HMCN1: variants seen among roughly 807,000 people sequenced by gnomAD.
HMCN1 encodes the protein hemicentin-1.
HMCN1 carries 321 observed loss-of-function variants against 625.9 expected under a neutral mutation model. The observed-to-expected ratio is 0.51, with a 90% confidence interval of 0.47 to 0.56. HMCN1 has a LOEUF of 0.56. Ranked by LOEUF, HMCN1 falls within the 20% of genes least tolerant of loss-of-function variation. HMCN1 has a pLI of 0.00. For synonymous variants in HMCN1, 2,425 were observed against 2,417.6 expected, an observed-to-expected ratio of 1.00 and a Z score of -0.09; for missense variants, 6,588 against 6,887.3, an observed-to-expected ratio of 0.96 and a Z score of 1.54.
chr1:186,101,086 A>G (rs1660362285), intron 68 of HMCN1, among the ~76,000 whole-genome samples: 1 of 152,146 alleles, frequency 6.6e-6, no homozygotes, highest in African/African-American at 2.4e-5. Context: ...TGTTTAGCAC[A>G]TTGACAATCC....
At chr1:185,744,410 A>G (rs541171095) in intron 1 of HMCN1, among the ~76,000 whole-genome samples, 1 of 152,264 alleles carries the variant, frequency 6.6e-6, no homozygotes, top group African/African-American at 2.4e-5. Flanking sequence ...ATGCTTTACT[A>G]TATTGTTCCT....
chr1:186,039,410 GCACACACACACA>G (rs34723003), intron 38 of HMCN1, among the ~76,000 whole-genome samples: 2 of 148,016 alleles, frequency 1.4e-5, no homozygotes, highest in African/African-American at 4.9e-5. Context: ...GTGTTCATGT[GCACACACACACA>G]CACACACACA....
chr1:185,824,075 A>G (rs1483949826), intron 1 of HMCN1, among the ~76,000 whole-genome samples: 1 of 152,124 alleles, frequency 6.6e-6, no homozygotes, highest in Non-Finnish European at 1.5e-5. Flanking sequence ...TTACTGTGAG[A>G]CTTAGATGAT....
intron 48 of HMCN1, among the ~76,000 whole-genome samples, chr1:186,063,448 GAGAAGGAAGGAAGGAAGGAA>G (rs1657889291): frequency 7.9e-6 from 1 of 126,248 alleles, no homozygotes; most frequent in Non-Finnish European, 1.6e-5. Flanking sequence ...GGGACGGAGA[GAGAAGGAAGGAAGGAAGGAA>G]GGAAGGAAGG....
chr1:185,764,042 G>T (rs1227953185), intron 1 of HMCN1, among the ~76,000 whole-genome samples: 1 of 152,098 alleles, frequency 6.6e-6, no homozygotes, highest in Non-Finnish European at 1.5e-5. Flanking sequence ...CATTCTTCAT[G>T]GGAAGGAAGC....
In HMCN1 at chr1:186,110,977, C is replaced by CTTTTTTTTTTTTTTT. The variant is rs557887846; in HGVS notation, c.10990-1828_10990-1814dup. Among the ~76,000 whole-genome samples, 137 of 61,626 alleles carry CTTTTTTTTTTTTTTT rather than the reference C, an allele frequency of 2.2e-3. 36 individuals are homozygous for CTTTTTTTTTTTTTTT. The highest frequency in any genetic ancestry group is 6.8e-3 in the African/African-American group (69 of 10,188). 40.4% of individuals were successfully genotyped at this position (61,626 alleles called of 152,430 possible). A position where few individuals can be genotyped will look rare whatever the true frequency, so the allele number is the denominator to read the frequency against. On this transcript the variant is annotated intron_variant, in intron 71 of 106. Coordinates refer to ENST00000271588, the MANE Select transcript of HMCN1 (RefSeq NM_031935.3). ...TACGGAAGAAAAACCAGAGAAAATTCTTTTTTTTTTTTTTTTTTTTTGAGA... is the reference window on the plus strand; with the variant it reads ...TACGGAAGAAAAACCAGAGAAAATTCTTTTTTTTTTTTTTTTTTTTTTTTTTTTTTTTTTTTGAGA...
intron 1 of HMCN1, among the ~76,000 whole-genome samples, chr1:185,833,745 A>G (rs1661011788): frequency 3.3e-5 from 5 of 152,066 alleles, no homozygotes; most frequent in Admixed American, 3.3e-4. Context: ...CATAATTATA[A>G]TATTTTAAGG....
intron 4 of HMCN1, among the ~76,000 whole-genome samples, chr1:185,870,189 C>T (rs972846860): frequency 6.6e-6 from 1 of 151,952 alleles, no homozygotes; most frequent in East Asian, 1.9e-4. Flanking sequence ...TTTACAATAC[C>T]TCTCAAGGAT....
At chr1:185,791,254 A>C (rs1657971690) in intron 1 of HMCN1, among the ~76,000 whole-genome samples, 1 of 152,172 alleles carries the variant, frequency 6.6e-6, no homozygotes, top group African/African-American at 2.4e-5. Flanking sequence ...TCTGGTACAT[A>C]GTAGGCCCTC....
chr1:186,174,740 TCTTGTTA>T (rs1297789135), intron 103 of HMCN1, 98 bp downstream of exon 103: 1 of 1,065,040 alleles, frequency 9.4e-7, no homozygotes, highest in Non-Finnish European at 1.5e-6. Context: ...TCAAATGGTC[TCTTGTTA>T]CAATAATAAG....
At chr1:185,955,295 C>T (rs1043962823) in intron 11 of HMCN1, among the ~76,000 whole-genome samples, 4 of 152,122 alleles carry the variant, frequency 2.6e-5, no homozygotes, top group Admixed American at 6.5e-5. Flanking sequence ...ATAAAATTTA[C>T]ACTCCTCTGT....
intron 3 of HMCN1, among the ~76,000 whole-genome samples, chr1:185,864,913 C>G (rs1206944745): frequency 3.3e-5 from 5 of 152,170 alleles, no homozygotes; most frequent in African/African-American, 1.2e-4. Flanking sequence ...AAAACACAGG[C>G]CTAACCAAAA....
chr1:185,741,445 G>T (rs1479146290), intron 1 of HMCN1, among the ~76,000 whole-genome samples: 2 of 152,160 alleles, frequency 1.3e-5, no homozygotes, highest in African/African-American at 4.8e-5. Context: ...TGAGATTTAA[G>T]TTCAAGGGGA....
chr1:185,900,549 T>C (rs752843461), intron 4 of HMCN1, among the ~76,000 whole-genome samples: 3 of 151,956 alleles, frequency 2.0e-5, no homozygotes, highest in Non-Finnish European at 2.9e-5. Flanking sequence ...AGATGGCTCA[T>C]CTTTTAGACT....
intron 1 of HMCN1, among the ~76,000 whole-genome samples, chr1:185,822,919 T>C (rs746101143): frequency 3.7e-4 from 57 of 152,252 alleles, no homozygotes; most frequent in Non-Finnish European, 7.6e-4. Context: ...ATATAAAATA[T>C]AAATAACAAA....
chr1:186,123,346 G>T lies in HMCN1; in HGVS notation c.12499+126G>T, dbSNP rs114251907. On this transcript the variant is annotated intron_variant, in intron 81 of 106. Coordinates refer to ENST00000271588, the MANE Select transcript of HMCN1 (RefSeq NM_031935.3). Reference sequence around the variant, plus strand: ...TCAGTAATCCAAAGTGTGTGTGGGGGTGTGGTGTGTAGGTGCACTTCAAAT... The same window carrying T: ...TCAGTAATCCAAAGTGTGTGTGGGGTTGTGGTGTGTAGGTGCACTTCAAAT... The T allele has an allele frequency of 3.6e-3, 4,140 of 1,138,414 alleles. 63 individuals are homozygous for T. The highest frequency in any genetic ancestry group is 0.025 in the South Asian group (1,913 of 75,178). The allele number at this position is 1,138,414 out of a possible 1,614,324, so 70.5% of individuals were successfully genotyped here. A position where few individuals can be genotyped will look rare whatever the true frequency, so the allele number is the denominator to read the frequency against.
chr1:185,816,971 T>G (rs1462850038), intron 1 of HMCN1, among the ~76,000 whole-genome samples: 1 of 152,076 alleles, frequency 6.6e-6, no homozygotes, highest in Admixed American at 6.6e-5. Flanking sequence ...GCTGCTGTTG[T>G]TTTTTCTTTC....
In HMCN1 at chr1:185,894,404, T is replaced by A. The variant is rs183594849; in HGVS notation, c.622-14933T>A. On this transcript the variant is annotated intron_variant, in intron 4 of 106. Transcript: ENST00000271588. ...ATTTCTCCATTCCACTGTTGATATA[T>A]ACATGGGTAATTTCCAGTTTTGGTC... Among the ~76,000 whole-genome samples the A allele has an allele frequency of 1.2e-4, 19 of 152,364 alleles. 1 individual carries two copies. In the East Asian group the frequency reaches 3.7e-3, roughly 29 times the overall value.
chr1:186,130,419 C>T (rs1661869421), intron 84 of HMCN1, 88 bp from the exon 85 acceptor site: 31 of 1,373,488 alleles, frequency 2.3e-5, no homozygotes, highest in Non-Finnish European at 3.0e-5. Context: ...CCCCTCTTTA[C>T]TAAATTATTT....
Sources: gnomAD v4.1 joint callset for allele counts (sites outside exome capture counted in the v4.1 genomes callset) on GRCh38, gnomAD v4.1.1 for gene constraint, MANE v1.5 for transcripts, NCBI Gene and HGNC (gene_info 2026-07-23, HGNC 2026-07-21) for gene names.